The following CWC15 variants were observed in gnomAD, a reference collection of about 807,000 sequenced individuals.
CWC15 encodes the protein spliceosome-associated protein CWC15 homolog.
A neutral mutation model predicts 28.4 loss-of-function variants in CWC15; 12 were observed. The ratio of observed to expected loss-of-function variants is 0.42; its 90% CI spans 0.27 to 0.69. CWC15 has a LOEUF of 0.69. Ranked by LOEUF, CWC15 falls within the 30% of genes least tolerant of loss-of-function variation. The probability of loss-of-function intolerance (pLI) is 0.23; values close to 1 mark genes in which losing one functional copy is unlikely to be tolerated. For synonymous variants in CWC15, 92 were observed against 88.4 expected, an observed-to-expected ratio of 1.04 and a Z score of -0.23; for missense variants, 192 against 271.5, an observed-to-expected ratio of 0.71 and a Z score of 2.06.
At chr11:94,970,927 A>AAAAC (rs1857710620) in intron 4 of CWC15, 50 bp downstream of exon 4, 1 of 1,416,790 alleles carries the variant, frequency 7.1e-7, no homozygotes, top group Non-Finnish European at 1.0e-6. Flanking sequence ...GTATTTTAGA[A>AAAAC]TAGCATGGTA....
At chr11:94,968,538 T>TA (rs1857676690) in intron 5 of CWC15, among the ~76,000 whole-genome samples, 1 of 152,194 alleles carries the variant, frequency 6.6e-6, no homozygotes, top group African/African-American at 2.4e-5. Context: ...TTAGGCAAGC[T>TA]AAAAAAATTT....
chr11:94,973,352 T>G (rs998601328), intron 1 of CWC15, 146 bp downstream of exon 1: 11 of 152,548 alleles, frequency 7.2e-5, no homozygotes, highest in African/African-American at 2.4e-4. Flanking sequence ...CAGACGCGCC[T>G]GACAGGCACT....
Position 94,971,074 on chromosome 11 carries a change from A to C in CWC15, c.245-9T>G. 6.2e-7 allele frequency: 1 copy of C among 1,608,430 alleles called. No individual in the cohort carries two copies. Among genetic ancestry groups the C allele is most frequent in the Non-Finnish European group, 8.5e-7 (1 of 1,175,062 alleles). On this transcript the variant is annotated splice_polypyrimidine_tract_variant and intron_variant, in intron 3 of 6. Transcript: ENST00000279839. ...AGAGGAGGTTGTATGTTCTGGGGGG[A>C]AACAAAAATCATTTAACTTAGTAAA...
At chr11:94,965,510 G>C (rs1307951611) in intron 6 of CWC15, among the ~76,000 whole-genome samples, 2 of 152,188 alleles carry the variant, frequency 1.3e-5, no homozygotes, top group Non-Finnish European at 2.9e-5. Flanking sequence ...ATGCCTGCTT[G>C]CAAGGCTGGC....
Position 94,972,159 on chromosome 11 carries a change from A to G in CWC15, c.27T>C (p.Phe9=). The change falls in exon 2 of 7, where the codon TTT becomes TTC. Residue 9 remains phenylalanine, a synonymous_variant. Coordinates refer to ENST00000279839, the MANE Select transcript of CWC15 (RefSeq NM_016403.4). The part of the protein sequence containing the change: MTTAARPT[F]EPARGGRGKG... Reference sequence around the variant, plus strand: ...TTCCCCTTCCACCTCTGGCAGGTTCAAAGGTTGGCCTGGCTGCTGTTGTCA... The same window carrying G: ...TTCCCCTTCCACCTCTGGCAGGTTCGAAGGTTGGCCTGGCTGCTGTTGTCA... 1.2e-6 allele frequency: 2 copies of G among 1,613,788 alleles called. No individual in the cohort carries two copies. The highest frequency in any genetic ancestry group is 2.2e-5 in the East Asian group (1 of 44,866).
At chr11:94,971,551 CTGTAGTAATGGA>C in intron 2 of CWC15, 64 bp from the exon 3 acceptor site, 1 of 753,630 alleles carries the variant, frequency 1.3e-6, no homozygotes, top group Non-Finnish European at 2.1e-6. Flanking sequence ...CACACAGAGA[CTGTAGTAATGGA>C]AGACAATTCA....
intron 5 of CWC15, among the ~76,000 whole-genome samples, chr11:94,968,000 A>C (rs1217778825): frequency 6.6e-6 from 1 of 152,234 alleles, no homozygotes; most frequent in Non-Finnish European, 1.5e-5. Context: ...GGGGTTACTG[A>C]ATGATTGCCA....
rs587604267 is a variant in CWC15 at position 94,971,091 on chromosome 11, C to A, written c.245-26G>T. ...CTGGGGGGAAACAAAAATCATTTAA[C>A]TTAGTAAAACAAATACTTCATTTCT... is the stretch of plus-strand genomic sequence containing the variant. On this transcript the variant is annotated intron_variant, in intron 3 of 6. Transcript: ENST00000279839. 1.3e-4 allele frequency: 199 copies of A among 1,569,216 alleles called. No homozygotes were observed. In the East Asian group the frequency reaches 4.0e-3, roughly 31 times the overall value.
In CWC15 at chr11:94,967,586, T is replaced by A. The variant is rs912566743; in HGVS notation, c.442-1173A>T. 2.0e-5 allele frequency among the ~76,000 whole-genome samples: 3 copies of A among 152,328 alleles called. No individual in the cohort carries two copies. The East Asian group carries it at 5.8e-4, about 29-fold the overall frequency. ...ACTTAATAGATCAAGGAAAAACAGA[T>A]GGTGTGGAAGTCATTTAAAAAAAGT... On this transcript the variant is annotated intron_variant, in intron 5 of 6. Transcript: ENST00000279839.
intron 6 of CWC15, among the ~76,000 whole-genome samples, chr11:94,965,775 G>T (rs1857631519): frequency 6.6e-6 from 1 of 152,196 alleles, no homozygotes; most frequent in Non-Finnish European, 1.5e-5. Flanking sequence ...ACAATGTGCT[G>T]TGTGACCACT....
chr11:94,963,214 C>T lies in CWC15; in HGVS notation c.*171G>A, dbSNP rs966165462. The T allele has an allele frequency of 4.4e-6, 2 of 451,052 alleles. No homozygotes were observed. Among genetic ancestry groups the T allele is most frequent in the Non-Finnish European group, 7.5e-6 (2 of 265,644 alleles). 27.9% of individuals were successfully genotyped at this position (451,052 alleles called of 1,614,324 possible). On this transcript the variant is annotated 3_prime_UTR_variant, in exon 7 of 7. Transcript: ENST00000279839. ...TTGGAGAATGCAAACTGGGTTAAAC[C>T]TATTCCCAAGTCCATTATCAAGTAA... is the stretch of plus-strand genomic sequence containing the variant.
chr11:94,970,148 A>C, intron 4 of CWC15, 52 bp from the exon 5 acceptor site: 1 of 900,766 alleles, frequency 1.1e-6, no homozygotes, highest in Non-Finnish European at 1.7e-6. Flanking sequence ...CACACTACCA[A>C]AACACAGTAC....
Position 94,966,384 on chromosome 11 carries a change from C to T in CWC15, c.471G>A (p.Arg157=), listed in dbSNP as rs782286582. The change falls in exon 6 of 7, where the codon AGG becomes AGA. Residue 157 remains arginine, a synonymous_variant. Transcript: ENST00000279839. ...KEQEQKAEEE[R]IRMENILSGN... ...CGCTCAGAATGTTTTCCATACGAAT[C>T]CTCTCTTCTTCAGCTTTTTGTTCTT... The T allele has an allele frequency of 8.4e-6, 13 of 1,553,214 alleles. No homozygotes were observed. In the South Asian group the frequency reaches 1.4e-4, roughly 17 times the overall value.
chr11:94,967,296 G>C (rs902641667), intron 5 of CWC15, among the ~76,000 whole-genome samples: 9 of 152,188 alleles, frequency 5.9e-5, no homozygotes, highest in African/African-American at 2.2e-4. Flanking sequence ...AAAGTGCTGA[G>C]ATTACAGGCG....
intron 5 of CWC15, among the ~76,000 whole-genome samples, chr11:94,967,259 C>T (rs1857659621): frequency 1.3e-5 from 2 of 152,130 alleles, no homozygotes; most frequent in Admixed American, 1.3e-4. Context: ...AACTCCTGAC[C>T]TCGTGATCCG....
At chr11:94,972,860 C>G (rs1857743511) in intron 1 of CWC15, among the ~76,000 whole-genome samples, 1 of 151,996 alleles carries the variant, frequency 6.6e-6, no homozygotes, top group Admixed American at 6.5e-5. Flanking sequence ...AATTTAAGGC[C>G]TGTTCAAAAA....
intron 3 of CWC15, 48 bp downstream of exon 3, chr11:94,971,327 A>G: frequency 6.9e-7 from 1 of 1,449,140 alleles, no homozygotes; most frequent in Non-Finnish European, 9.6e-7. Flanking sequence ...AAGAAAAACT[A>G]TCAACAACAT....
chr11:94,972,365 C>T (rs587708385), intron 1 of CWC15, among the ~76,000 whole-genome samples, 172 bp from the exon 2 acceptor site: 52 of 152,290 alleles, frequency 3.4e-4, no homozygotes, highest in African/African-American at 1.2e-3. Flanking sequence ...TTAGGCTGTA[C>T]AAGGAATATG....
Position 94,971,387 on chromosome 11 carries a change from G to T in CWC15, c.232C>A (p.Arg78Ser). 1 of 1,610,724 alleles carries T rather than the reference G, an allele frequency of 6.2e-7. No homozygotes were observed. The highest frequency in any genetic ancestry group is 1.1e-5 in the South Asian group (1 of 90,456). The change falls in exon 3 of 7, where the codon CGT becomes AGT. Residue 78 changes from arginine to serine, a missense_variant. This residue lies in a region of CWC15 where 188 missense variants were observed against 250.3 expected (regional missense o/e 0.75). Coordinates refer to ENST00000279839, the MANE Select transcript of CWC15 (RefSeq NM_016403.4). ...RAAAREKNRD[R>S]PTREHTTSSS... ...ATAGTGTTGGTACCTCGGGTTGGAC[G>T]ATCCCTATTTTTCTCTCTTGCAGCA... is the stretch of plus-strand genomic sequence containing the variant.
Sources: allele counts gnomAD v4.1 joint callset (sites outside exome capture counted in the v4.1 genomes callset), GRCh38; gene constraint gnomAD v4.1.1; regional missense constraint gnomAD v4.1.1; transcripts MANE v1.5; gene names NCBI Gene and HGNC (gene_info 2026-07-23, HGNC 2026-07-21).